Variants in ACVR2A observed in about 807,000 individuals in gnomAD.
ACVR2A encodes activin A receptor type 2A, also known as activin receptor type-2A.
In ACVR2A, 7 loss-of-function variants were observed where a neutral mutation model predicts 61.4. That is an observed-to-expected ratio of 0.11 (90% CI 0.06 to 0.21). The LOEUF is 0.21. ACVR2A is among the 10% of genes least tolerant of loss of function. ACVR2A has a pLI of 1.00. For synonymous variants in ACVR2A, 193 were observed against 208.3 expected (o/e 0.93, Z 0.63); for missense variants, 322 against 621.7 (o/e 0.52, Z 5.13).
chr2:147,856,039 A>T (rs1490211187), intron 1 of ACVR2A, among the ~76,000 whole-genome samples: 1 of 152,140 alleles, frequency 6.6e-6, no homozygotes, highest in Non-Finnish European at 1.5e-5. Context: ...ATATCTTTTC[A>T]GGTTATCAAG....
chr2:147,864,145 T>G (rs1222734016), intron 1 of ACVR2A, among the ~76,000 whole-genome samples: 1 of 152,212 alleles, frequency 6.6e-6, no homozygotes, highest in Non-Finnish European at 1.5e-5. Context: ...GGTTCCCCTC[T>G]TCACATTATT....
chr2:147,923,364 G>A (rs1320327605), intron 9 of ACVR2A, among the ~76,000 whole-genome samples: 1 of 151,890 alleles, frequency 6.6e-6, no homozygotes, highest in Admixed American at 6.6e-5. Context: ...TTCCTAAAAC[G>A]GTTTCAGAGG....
At chr2:147,878,176 A>T (rs891291372) in intron 1 of ACVR2A, among the ~76,000 whole-genome samples, 1 of 152,140 alleles carries the variant, frequency 6.6e-6, no homozygotes, top group Non-Finnish European at 1.5e-5. Context: ...TCAGAGAAAA[A>T]TTTTTTATTT....
chr2:147,844,912 C>CGT, upstream of ACVR2A: 1 of 450,640 alleles, frequency 2.2e-6, no homozygotes, highest in Non-Finnish European at 3.8e-6. Flanking sequence ...GTGTGTTGTG[C>CGT]GTGTGTGTGG....
At chr2:147,913,397 T>G (rs1409877437) in intron 4 of ACVR2A, among the ~76,000 whole-genome samples, 1 of 151,984 alleles carries the variant, frequency 6.6e-6, no homozygotes, top group Non-Finnish European at 1.5e-5. Flanking sequence ...ATACTTTAGT[T>G]TTTAGTTTTT....
intron 4 of ACVR2A, among the ~76,000 whole-genome samples, chr2:147,909,510 T>C (rs1687066051): frequency 6.6e-6 from 1 of 152,228 alleles, no homozygotes; most frequent in Non-Finnish European, 1.5e-5. Flanking sequence ...TTGATATTAA[T>C]GTGCAGATTC....
At chr2:147,860,147 C>T (rs554400127) in intron 1 of ACVR2A, among the ~76,000 whole-genome samples, 1 of 152,208 alleles carries the variant, frequency 6.6e-6, no homozygotes, top group African/African-American at 2.4e-5. Context: ...TCTTCTTTGT[C>T]CTCTGTAGTA....
intron 4 of ACVR2A, among the ~76,000 whole-genome samples, chr2:147,906,650 A>G (rs1473440309): frequency 1.3e-5 from 2 of 152,150 alleles, no homozygotes; most frequent in East Asian, 3.8e-4. Context: ...CTCAAACAGA[A>G]TCATTTTTAC....
intron 1 of ACVR2A, among the ~76,000 whole-genome samples, chr2:147,857,325 G>T (rs1174865267): frequency 6.6e-6 from 1 of 151,974 alleles, no homozygotes; most frequent in Non-Finnish European, 1.5e-5. Context: ...CAATTAGACA[G>T]TATTTTTGTA....
chr2:147,906,559 A>G (rs1191709672), intron 4 of ACVR2A, among the ~76,000 whole-genome samples: 3 of 152,208 alleles, frequency 2.0e-5, no homozygotes, highest in Non-Finnish European at 4.4e-5. Context: ...GAGAGGAGCC[A>G]CATGTGGGTG....
chr2:147,879,826 A>G (rs1686252651), intron 1 of ACVR2A, among the ~76,000 whole-genome samples: 1 of 152,192 alleles, frequency 6.6e-6, no homozygotes, highest in Non-Finnish European at 1.5e-5. Context: ...CTGGGAGACC[A>G]GTTAAAGAGG....
intron 7 of ACVR2A, among the ~76,000 whole-genome samples, chr2:147,919,574 A>T (rs1018335884): frequency 2.0e-5 from 3 of 152,236 alleles, no homozygotes; most frequent in Admixed American, 6.5e-5. Flanking sequence ...ATTGGCATAG[A>T]TGTATTTAAC....
chr2:147,855,119 A>G (rs570498308), intron 1 of ACVR2A, among the ~76,000 whole-genome samples: 1 of 152,238 alleles, frequency 6.6e-6, no homozygotes, highest in East Asian at 1.9e-4. Context: ...GTCTCAAGTG[A>G]TCTGCCCTCC....
intron 5 of ACVR2A, among the ~76,000 whole-genome samples, chr2:147,916,632 G>A (rs13026650): frequency 0.33 from 49,308 of 151,510 alleles, 8,270 homozygotes; most frequent in East Asian, 0.51. Flanking sequence ...GTTTCTAAGG[G>A]TTTCTAACCA....
chr2:147,926,294 G>A (rs1304170197), intron 10 of ACVR2A, 133 bp downstream of exon 10: 2 of 1,164,296 alleles, frequency 1.7e-6, no homozygotes, highest in East Asian at 2.5e-5. Flanking sequence ...ATATTCTAGA[G>A]TTCTAGAGGC....
intron 1 of ACVR2A, among the ~76,000 whole-genome samples, chr2:147,885,463 C>T (rs959826700): frequency 5.9e-5 from 9 of 152,010 alleles, no homozygotes; most frequent in African/African-American, 2.2e-4. Flanking sequence ...GAGTTATACT[C>T]TTATAAGTTG....
At chr2:147,844,756 G>C (rs1287468919), upstream of ACVR2A, 1 of 158,934 alleles carries the variant, frequency 6.3e-6, no homozygotes, top group Non-Finnish European at 1.4e-5. Flanking sequence ...CCGGGCGGCA[G>C]CGGACGCCGC....
chr2:147,924,265 C>T (rs2105223060), intron 9 of ACVR2A, among the ~76,000 whole-genome samples: 1 of 152,120 alleles, frequency 6.6e-6, no homozygotes, highest in South Asian at 2.1e-4. Context: ...AATATGAACT[C>T]TCCATAACAA....
chr2:147,878,782 A>C (rs1029957118), intron 1 of ACVR2A, among the ~76,000 whole-genome samples: 15 of 152,008 alleles, frequency 9.9e-5, no homozygotes, highest in Admixed American at 6.6e-5. Flanking sequence ...GGTGGCAGCC[A>C]CCTGCAGTCC....
Sources: allele counts gnomAD v4.1 joint callset (sites outside exome capture counted in the v4.1 genomes callset), GRCh38; gene constraint gnomAD v4.1.1; transcripts MANE v1.5; gene names NCBI Gene and HGNC (gene_info 2026-07-23, HGNC 2026-07-21).